BRAF: variants seen among roughly 807,000 people sequenced by gnomAD.
BRAF encodes the protein B-Raf proto-oncogene, serine/threonine kinase, also known as serine/threonine-protein kinase B-raf.
BRAF carries 16 observed loss-of-function variants against 104.6 expected under a neutral mutation model. The ratio of observed to expected loss-of-function variants is 0.15; its 90% confidence interval spans 0.10 to 0.23. BRAF has a LOEUF of 0.23. Ranked by LOEUF, BRAF falls within the 10% of genes least tolerant of loss-of-function variation. The probability of loss-of-function intolerance (pLI) is 1.00; values close to 1 mark genes in which losing one functional copy is unlikely to be tolerated. For synonymous variants in BRAF, 310 were observed against 341.6 expected, an observed-to-expected ratio of 0.91 and a Z score of 1.02; for missense variants, 541 against 937.3, an observed-to-expected ratio of 0.58 and a Z score of 5.52.
At chr7:140,858,454 G>A (rs980506654) in intron 1 of BRAF, among the ~76,000 whole-genome samples, 5 of 152,138 alleles carry the variant, frequency 3.3e-5, no homozygotes, top group African/African-American at 7.2e-5. Flanking sequence ...CTTGGCAATT[G>A]GACTAATCCA....
In BRAF at chr7:140,901,583, T is replaced by C. The variant is rs1439254497; in HGVS notation, c.138+22983A>G. Among the ~76,000 whole-genome samples the C allele has an allele frequency of 2.0e-5, 3 of 152,244 alleles. No individual in the cohort carries two copies. In the East Asian group the frequency reaches 5.8e-4, roughly 29 times the overall value. ...GGATTTCAATAAATCCACTATCAATTTGAGAAATACTAACATTTTTAACAT... is the reference window on the plus strand; with the variant it reads ...GGATTTCAATAAATCCACTATCAATCTGAGAAATACTAACATTTTTAACAT... On this transcript the variant is annotated intron_variant, in intron 1 of 19. Coordinates refer to ENST00000644969, the MANE Select transcript of BRAF (RefSeq NM_001374258.1).
intron 7 of BRAF, 82 bp downstream of exon 7, chr7:140,800,263 TTAACAATTTAAACATTG>T: frequency 6.3e-7 from 1 of 1,576,034 alleles, no homozygotes; most frequent in Non-Finnish European, 8.7e-7. Context: ...AGTCCTTAAT[TTAACAATTTAAACATTG>T]GAAAGGTTTC....
chr7:140,852,619 T>C (rs1809307911), intron 1 of BRAF, among the ~76,000 whole-genome samples: 1 of 151,978 alleles, frequency 6.6e-6, no homozygotes. Flanking sequence ...ATGGCTTCTT[T>C]TGTCAAGCTA....
At chr7:140,789,746 T>C (rs1466278786) in intron 8 of BRAF, among the ~76,000 whole-genome samples, 2 of 152,214 alleles carry the variant, frequency 1.3e-5, no homozygotes, top group African/African-American at 2.4e-5. Context: ...TGATAAGATT[T>C]TGAGATGAAG....
At chr7:140,909,312 C>T (rs1816700118) in intron 1 of BRAF, among the ~76,000 whole-genome samples, 1 of 152,114 alleles carries the variant, frequency 6.6e-6, no homozygotes, top group Non-Finnish European at 1.5e-5. Context: ...GTAATCCCAG[C>T]TACTTGGGAG....
chr7:140,771,583 T>G (rs1156721993), intron 14 of BRAF, among the ~76,000 whole-genome samples: 1 of 152,206 alleles, frequency 6.6e-6, no homozygotes, highest in Non-Finnish European at 1.5e-5. Flanking sequence ...CTATTCTGCT[T>G]ATATCCAGAG....
At chr7:140,891,260 T>G (rs1814186306) in intron 1 of BRAF, among the ~76,000 whole-genome samples, 1 of 152,160 alleles carries the variant, frequency 6.6e-6, no homozygotes, top group Non-Finnish European at 1.5e-5. Flanking sequence ...AGTTGCTGAG[T>G]TCAGTGTTCT....
At chr7:140,845,956 G>A (rs1379377939) in intron 2 of BRAF, among the ~76,000 whole-genome samples, 1 of 152,166 alleles carries the variant, frequency 6.6e-6, no homozygotes, top group Non-Finnish European at 1.5e-5. Context: ...TGGCATTACA[G>A]GTGTGAGCCA....
chr7:140,847,087 G>A (rs997540275), intron 2 of BRAF, among the ~76,000 whole-genome samples: 3 of 152,040 alleles, frequency 2.0e-5, no homozygotes, highest in South Asian at 2.1e-4. Flanking sequence ...CCCAGGAGAG[G>A]AGGCTGCAGT....
At chr7:140,751,664 G>A (rs1474960016) in intron 16 of BRAF, among the ~76,000 whole-genome samples, 1 of 152,130 alleles carries the variant, frequency 6.6e-6, no homozygotes, top group Non-Finnish European at 1.5e-5. Flanking sequence ...CCAGAATACA[G>A]ATCTTCTAAG....
At chr7:140,766,729 T>G (rs1204515421) in intron 14 of BRAF, among the ~76,000 whole-genome samples, 1 of 152,100 alleles carries the variant, frequency 6.6e-6, no homozygotes, top group Non-Finnish European at 1.5e-5. Context: ...TTTTGTATTT[T>G]TTGTAGAGAC....
At position 140,783,003 on chromosome 7, in the gene BRAF, G is replaced by T. The variant is rs767847317; in HGVS notation, c.1434+18C>A. On this transcript the variant is annotated intron_variant, in intron 11 of 19. Transcript: ENST00000644969. Reference sequence around the variant, plus strand: ...AGAAGAAAGAATTCAGAGAAAAAAAGATATCATATACTCTTACCATTCGAT... The same window carrying T: ...AGAAGAAAGAATTCAGAGAAAAAAATATATCATATACTCTTACCATTCGAT... 5 of 1,612,268 alleles carry T rather than the reference G, an allele frequency of 3.1e-6. No homozygotes were observed. In the South Asian group the frequency reaches 5.5e-5, roughly 18 times the overall value.
At chr7:140,819,524 T>G (rs1341844644) in intron 3 of BRAF, among the ~76,000 whole-genome samples, 1 of 152,216 alleles carries the variant, frequency 6.6e-6, no homozygotes, top group Non-Finnish European at 1.5e-5. Flanking sequence ...ACACAAAACC[T>G]TGAATACGAA....
At chr7:140,897,459 G>GCTT (rs1359973589) in intron 1 of BRAF, among the ~76,000 whole-genome samples, 5 of 148,052 alleles carry the variant, frequency 3.4e-5, no homozygotes, top group African/African-American at 9.9e-5. Flanking sequence ...TAGAGAATAT[G>GCTT]CTTTTAACTC....
chr7:140,736,608 G>GTAGA, intron 18 of BRAF, among the ~76,000 whole-genome samples: 1 of 151,386 alleles, frequency 6.6e-6, no homozygotes, highest in South Asian at 2.1e-4. Context: ...TGTATTCTTA[G>GTAGA]TAGAGTCAGA....
At chr7:140,846,699 A>T (rs2535947) in intron 2 of BRAF, among the ~76,000 whole-genome samples, 15,403 of 146,932 alleles carry the variant, frequency 0.1, 885 homozygotes, top group South Asian at 0.2. Context: ...TTACCCCAAT[A>T]AAAAAAAAAA....
chr7:140,785,243 T>C (rs1041629427), intron 10 of BRAF, among the ~76,000 whole-genome samples: 1 of 151,988 alleles, frequency 6.6e-6, no homozygotes, highest in African/African-American at 2.4e-5. Flanking sequence ...TAATAAAATC[T>C]CATAATAGAA....
chr7:140,918,848 T>C (rs1161522848), intron 1 of BRAF, among the ~76,000 whole-genome samples: 1 of 152,154 alleles, frequency 6.6e-6, no homozygotes, highest in Non-Finnish European at 1.5e-5. Context: ...CAATTTGGAA[T>C]TTTTATTCTG....
chr7:140,913,954 G>A (rs1401583707), intron 1 of BRAF, among the ~76,000 whole-genome samples: 1 of 152,084 alleles, frequency 6.6e-6, no homozygotes, highest in African/African-American at 2.4e-5. Context: ...ATGTTTTAAA[G>A]TAACATTAAT....
Sources: allele counts gnomAD v4.1 joint callset (sites outside exome capture counted in the v4.1 genomes callset), GRCh38; gene constraint gnomAD v4.1.1; transcripts MANE v1.5; gene names NCBI Gene and HGNC (gene_info 2026-07-23, HGNC 2026-07-21).